EPHA6: variants seen among roughly 807,000 people sequenced by gnomAD.
EPHA6 encodes ephrin type-A receptor 6.
EPHA6 carries 50 observed loss-of-function variants against 112.0 expected under a neutral mutation model. The ratio of observed to expected loss-of-function variants is 0.45; its 90% CI spans 0.36 to 0.56. The LOEUF is 0.56. Among genes scored for constraint, EPHA6 ranks in the 20% least tolerant of loss-of-function variants. EPHA6 has a pLI of 0.00. For synonymous variants in EPHA6, 529 were observed against 490.7 expected (o/e 1.08, Z -1.03); for missense variants, 1,280 against 1,417.4 (o/e 0.90, Z 1.56).
intron 3 of EPHA6, among the ~76,000 whole-genome samples, chr3:97,093,229 A>T (rs2047129012): frequency 6.6e-6 from 1 of 152,122 alleles, no homozygotes; most frequent in Non-Finnish European, 1.5e-5. Context: ...AAAAACTGAA[A>T]TTCTATCATT....
intron 3 of EPHA6, among the ~76,000 whole-genome samples, chr3:97,118,675 T>C (rs1452404805): frequency 6.6e-6 from 1 of 151,906 alleles, no homozygotes; most frequent in African/African-American, 2.4e-5. Context: ...CACACAAATA[T>C]GGCTAAAGTC....
Position 97,751,581 on chromosome 3 carries a change from T to A in EPHA6, c.*2880T>A, listed in dbSNP as rs2035902333. ...ATGGACCCCATGATCCCAGGAATAT[T>A]ACAATATTCAGGAATATAAACAGTT... is the stretch of plus-strand genomic sequence containing the variant. On this transcript the variant is annotated 3_prime_UTR_variant, in exon 18 of 18. Transcript: ENST00000389672. Among the ~76,000 whole-genome samples, 1 of 152,122 alleles carries A rather than the reference T, an allele frequency of 6.6e-6. No individual in the cohort carries two copies. The highest frequency in any genetic ancestry group is 1.5e-5 in the Non-Finnish European group (1 of 67,960).
chr3:97,236,475 A>G (rs375980486), intron 4 of EPHA6, among the ~76,000 whole-genome samples: 3 of 152,124 alleles, frequency 2.0e-5, no homozygotes, highest in East Asian at 3.9e-4. Flanking sequence ...CTGGAAGATT[A>G]ACGCATTTAA....
intron 14 of EPHA6, among the ~76,000 whole-genome samples, chr3:97,704,178 A>T (rs185223964): frequency 6.6e-6 from 1 of 152,284 alleles, no homozygotes; most frequent in East Asian, 1.9e-4. Flanking sequence ...TTATGTGTAA[A>T]CTTGACTGGC....
intron 5 of EPHA6, among the ~76,000 whole-genome samples, chr3:97,328,129 T>G (rs1232678447): frequency 6.7e-6 from 1 of 149,394 alleles, no homozygotes; most frequent in Non-Finnish European, 1.5e-5. Context: ...TATTTCCATT[T>G]GTTAGTTATT....
At chr3:97,024,772 C>T (rs551512270) in intron 3 of EPHA6, among the ~76,000 whole-genome samples, 1 of 152,246 alleles carries the variant, frequency 6.6e-6, no homozygotes, top group East Asian at 1.9e-4. Context: ...TCCCTTATTA[C>T]TTCCTGGATA....
intron 7 of EPHA6, among the ~76,000 whole-genome samples, chr3:97,471,369 C>T (rs1404805332): frequency 6.6e-6 from 1 of 151,702 alleles, no homozygotes; most frequent in Non-Finnish European, 1.5e-5. Flanking sequence ...TGTCTGTCTT[C>T]CCCACTGAAC....
intron 6 of EPHA6, among the ~76,000 whole-genome samples, chr3:97,413,990 C>T (rs1450629071): frequency 6.6e-6 from 1 of 151,912 alleles, no homozygotes; most frequent in Non-Finnish European, 1.5e-5. Flanking sequence ...AAAAATGCTA[C>T]CATATTTGTG....
intron 14 of EPHA6, among the ~76,000 whole-genome samples, chr3:97,640,335 G>A (rs940188702): frequency 6.6e-6 from 1 of 152,140 alleles, no homozygotes; most frequent in Non-Finnish European, 1.5e-5. Context: ...AGGCAATGGA[G>A]GGGCCAATTT....
chr3:97,274,912 G>A (rs537113554), intron 5 of EPHA6, among the ~76,000 whole-genome samples: 2 of 152,318 alleles, frequency 1.3e-5, no homozygotes, highest in East Asian at 3.9e-4. Context: ...CAAAGAGTGA[G>A]TATAGCTGAA....
At chr3:96,920,879 G>T (rs1010216588) in intron 2 of EPHA6, among the ~76,000 whole-genome samples, 3 of 151,918 alleles carry the variant, frequency 2.0e-5, no homozygotes, top group Non-Finnish European at 2.9e-5. Context: ...GTTTTAAATA[G>T]AATTTGAAAC....
intron 3 of EPHA6, among the ~76,000 whole-genome samples, chr3:97,123,363 A>G (rs997657530): frequency 6.6e-6 from 1 of 152,064 alleles, no homozygotes; most frequent in Non-Finnish European, 1.5e-5. Context: ...TTCATACTAC[A>G]AGTAAGGATT....
chr3:97,183,842 A>T lies in EPHA6; in HGVS notation c.1115-42422A>T, dbSNP rs16838437. 7.0e-3 allele frequency among the ~76,000 whole-genome samples: 1,062 copies of T among 152,224 alleles called. 3 individuals are homozygous for T. The highest frequency in any genetic ancestry group is 0.011 in the Admixed American group (175 of 15,272). On this transcript the variant is annotated intron_variant, in intron 3 of 17. Transcript: ENST00000389672. ...AATTAACCAATCGATGTCTAAGGCA[A>T]TCAGTGGATTCTGCAGAAGCTGATA...
Position 96,965,325 on chromosome 3 carries a change from A to G in EPHA6, c.451-22005A>G, listed in dbSNP as rs115826216. Among the ~76,000 whole-genome samples, 992 of 151,940 alleles carry G rather than the reference A, an allele frequency of 6.5e-3. 9 individuals are homozygous for G. The highest frequency in any genetic ancestry group is 0.022 in the African/African-American group (897 of 41,432). On this transcript the variant is annotated intron_variant, in intron 2 of 17. Coordinates refer to ENST00000389672, the MANE Select transcript of EPHA6 (RefSeq NM_001080448.3). ...ACCGTATAAGGCTTCTTACTTACCT[A>G]CCTCCCTAACAATACTTGAAAAAAA...
At chr3:97,517,349 A>T (rs191159811) in intron 10 of EPHA6, among the ~76,000 whole-genome samples, 1 of 152,086 alleles carries the variant, frequency 6.6e-6, no homozygotes, top group South Asian at 2.1e-4. Flanking sequence ...TGGGCTTTTG[A>T]TGGGTAATTT....
chr3:96,962,772 A>G (rs1254588880), intron 2 of EPHA6, among the ~76,000 whole-genome samples: 1 of 151,908 alleles, frequency 6.6e-6, no homozygotes, highest in Non-Finnish European at 1.5e-5. Flanking sequence ...TGCCCTTTGA[A>G]TCCCATTTAG....
chr3:96,978,453 C>G (rs938339154), intron 2 of EPHA6, among the ~76,000 whole-genome samples: 2 of 152,068 alleles, frequency 1.3e-5, no homozygotes, highest in Non-Finnish European at 2.9e-5. Flanking sequence ...TTTATACCTA[C>G]TAATGTTATA....
At chr3:97,622,764 T>G (rs188467412) in intron 13 of EPHA6, among the ~76,000 whole-genome samples, 232 of 151,904 alleles carry the variant, frequency 1.5e-3, no homozygotes, top group Admixed American at 0.014. Flanking sequence ...TTTTCTGATG[T>G]TTTTGTTTGT....
intron 5 of EPHA6, among the ~76,000 whole-genome samples, chr3:97,363,206 ATATATATATATATATATATATATATATAT>A (rs2084486088): frequency 1.2e-5 from 1 of 86,288 alleles, no homozygotes; most frequent in African/African-American, 7.8e-5. Context: ...ATATATATAT[ATATATATATATATATATATATATATATAT>A]ATAAATCTCA....
Sources: allele counts gnomAD v4.1 joint callset (sites outside exome capture counted in the v4.1 genomes callset), GRCh38; gene constraint gnomAD v4.1.1; transcripts MANE v1.5; gene names NCBI Gene and HGNC (gene_info 2026-07-23, HGNC 2026-07-21).